MAN2B1: variants seen among roughly 807,000 people sequenced by gnomAD.
The protein encoded by MAN2B1 is lysosomal alpha-mannosidase.
MAN2B1 carries 99 observed loss-of-function variants against 127.5 expected under a neutral mutation model. The observed-to-expected ratio is 0.78, with a 90% CI of 0.66 to 0.92. The LOEUF is 0.92. Ranked by LOEUF, MAN2B1 falls within the 40% of genes least tolerant of loss-of-function variation. The pLI is 0.00. For synonymous variants in MAN2B1, 573 were observed against 568.8 expected (o/e 1.01, Z -0.11); for missense variants, 1,304 against 1,384.8 (o/e 0.94, Z 0.93).
rs147341886 is a variant in MAN2B1 at position 12,660,978 on chromosome 19, C to T, written c.1026+282G>A. 1,924 of 373,812 alleles carry T rather than the reference C, an allele frequency of 5.1e-3. 24 individuals carry two copies. The highest frequency in any genetic ancestry group is 0.036 in the African/African-American group (1,730 of 47,454). The allele number at this position is 373,812 out of a possible 1,614,324, so 23.2% of individuals were successfully genotyped here. On this transcript the variant is annotated intron_variant, in intron 7 of 23. Transcript: ENST00000456935. ...TTCACCATGTTGGTCAGGCTGGTCTCGAATTCCTGACCTCGTGATCTGCCC... is the reference window on the plus strand; with the variant it reads ...TTCACCATGTTGGTCAGGCTGGTCTTGAATTCCTGACCTCGTGATCTGCCC...
chr19:12,655,896 G>A lies in MAN2B1; in HGVS notation c.1645-17C>T. The A allele has an allele frequency of 1.9e-6, 3 of 1,610,896 alleles. No individual in the cohort carries two copies. The highest frequency in any genetic ancestry group is 2.5e-6 in the Non-Finnish European group (3 of 1,177,714). On this transcript the variant is annotated splice_polypyrimidine_tract_variant and intron_variant, in intron 13 of 23. Transcript: ENST00000456935. Reference sequence around the variant, plus strand: ...TATTACCACCTCGGATAAAGGAGGAGGGAAACTGAGTCAAGAGTACCCATG... The same window carrying A: ...TATTACCACCTCGGATAAAGGAGGAAGGAAACTGAGTCAAGAGTACCCATG...
At chr19:12,650,064 C>A in intron 17 of MAN2B1, 40 bp downstream of exon 17, 1 of 1,609,974 alleles carries the variant, frequency 6.2e-7, no homozygotes, top group Non-Finnish European at 8.5e-7. Context: ...AACCCCTCTG[C>A]CCTTGCTTCC....
Position 12,663,372 on chromosome 19 carries a change from G to A in MAN2B1, c.854C>T (p.Pro285Leu). The change falls in exon 6 of 24, where the codon CCC (proline) becomes CTC (leucine). Residue 285 changes from proline to leucine, a missense_variant. Transcript: ENST00000456935. Reference sequence around the variant, plus strand: ...GACCAGCTCCTTGGCGTTGTACTCGGGGCTGCGAGGGTCCTCCACCAGCGG... The same window carrying A: ...GACCAGCTCCTTGGCGTTGTACTCGAGGCTGCGAGGGTCCTCCACCAGCGG... Reference protein sequence around the residue: ...DQPLVEDPRSPEYNAKELVDY... With the variant: ...DQPLVEDPRSLEYNAKELVDY... The A allele has an allele frequency of 6.2e-7, 1 of 1,614,092 alleles. No homozygotes were observed.
chr19:12,657,815 C>G (rs1049031443), intron 10 of MAN2B1: 4 of 607,762 alleles, frequency 6.6e-6, no homozygotes, highest in Non-Finnish European at 1.2e-5. Flanking sequence ...ATTAGCCGGG[C>G]GTGGTGGTGG....
chr19:12,657,973 AAAAAAAAAG>A, intron 10 of MAN2B1, 81 bp downstream of exon 10: 1 of 1,019,434 alleles, frequency 9.8e-7, no homozygotes, highest in Non-Finnish European at 1.4e-6. Context: ...AAAAAAAAAA[AAAAAAAAAG>A]AAGAAACTCG....
At position 12,661,210 on chromosome 19, in the gene MAN2B1, G is replaced by A. The variant is rs116003721; in HGVS notation, c.1026+50C>T. 5.1e-4 allele frequency: 669 copies of A among 1,313,362 alleles called. 1 individual carries two copies. The African/African-American group carries it at 8.7e-3, about 17-fold the overall frequency. 81.4% of individuals were successfully genotyped at this position (1,313,362 alleles called of 1,614,324 possible). A position where few individuals can be genotyped will look rare whatever the true frequency, so the allele number is the denominator to read the frequency against. ...GCTATGCACATAACCCAAGGCCCCC[G>A]GATGCAAGCGCACATGTGCACAAGG... is the stretch of plus-strand genomic sequence containing the variant. On this transcript the variant is annotated intron_variant, in intron 7 of 23. Coordinates refer to ENST00000456935, the MANE Select transcript of MAN2B1 (RefSeq NM_000528.4).
At chr19:12,652,840 A>AT (rs68156140) in intron 14 of MAN2B1, among the ~76,000 whole-genome samples, 1,570 of 148,116 alleles carry the variant, frequency 0.011, 31 homozygotes, top group African/African-American at 0.036. Context: ...CCGGATTTTT[A>AT]TTTTTTTTTT....
chr19:12,647,488 C>A lies in MAN2B1; in HGVS notation c.2775G>T (p.Glu925Asp), dbSNP rs752287794. Reference sequence around the variant, plus strand: ...GGGCGCTCAGGTTACGTCCGGAATCCTCTCCTACGGCAAACTGGTGCTCCA... The same window carrying A: ...GGGCGCTCAGGTTACGTCCGGAATCATCTCCTACGGCAAACTGGTGCTCCA... ...LRLEHQFAVG[E>D]DSGRNLSAPV... The change falls in exon 22 of 24, where the codon GAG (glutamate) becomes GAT (aspartate). Residue 925 changes from glutamate to aspartate, a missense_variant. By Grantham distance (45) the Glu-to-Asp change is conservative. Transcript: ENST00000456935. The surrounding 1 kb of genome is among the most constrained non-coding windows in gnomAD (Gnocchi z 4.9). The A allele has an allele frequency of 1.2e-6, 2 of 1,614,254 alleles. No individual in the cohort carries two copies. Among genetic ancestry groups the A allele is most frequent in the Admixed American group, 3.3e-5 (2 of 60,030 alleles).
Position 12,663,806 on chromosome 19 carries a change from G to A in MAN2B1, c.660C>T (p.Arg220=), listed in dbSNP as rs2145283213. 2 of 1,614,158 alleles carry A rather than the reference G, an allele frequency of 1.2e-6. No homozygotes were observed. The highest frequency in any genetic ancestry group is 1.7e-5 in the Admixed American group (1 of 60,018). ...QMGFDGFFFG[R]LDYQDKWVRM... ...GTACCCACTTATCTTGATAATCAAGGCGCCCAAAGAAGAAGCCGTCGAAGC... is the reference window on the plus strand; with the variant it reads ...GTACCCACTTATCTTGATAATCAAGACGCCCAAAGAAGAAGCCGTCGAAGC... Residue 220 remains arginine (R), a synonymous_variant, in exon 5 of 24, where the codon CGC becomes CGT. Transcript: ENST00000456935.
Position 12,647,955 on chromosome 19 carries a change from G to A in MAN2B1, c.2664+220C>T, listed in dbSNP as rs1361767025. Reference sequence around the variant, plus strand: ...GGGCGGGGCCGGAGGTGAGTTGGTGGTTTAGGGGCATGAGCTAGGGCTGTG... The same window carrying A: ...GGGCGGGGCCGGAGGTGAGTTGGTGATTTAGGGGCATGAGCTAGGGCTGTG... On this transcript the variant is annotated intron_variant, in intron 21 of 23. Transcript: ENST00000456935. The surrounding 1 kb of genome is among the most constrained non-coding windows in gnomAD (Gnocchi z 4.9). Among the ~76,000 whole-genome samples, 1 of 152,096 alleles carries A rather than the reference G, an allele frequency of 6.6e-6. No individual in the cohort carries two copies. The highest frequency in any genetic ancestry group is 1.5e-5 in the Non-Finnish European group (1 of 68,006).
At chr19:12,656,784 G>T in intron 12 of MAN2B1, 97 bp from the exon 13 acceptor site, 1 of 1,110,158 alleles carries the variant, frequency 9.0e-7, no homozygotes, top group Non-Finnish European at 1.4e-6. Context: ...TCCTAGTGTG[G>T]TCACGGCACT....
chr19:12,654,333 C>T (rs564273115), intron 14 of MAN2B1, among the ~76,000 whole-genome samples: 5 of 152,268 alleles, frequency 3.3e-5, no homozygotes, highest in African/African-American at 1.2e-4. Context: ...TGAGCCACCG[C>T]GCCCGGCCCC....
Position 12,648,165 on chromosome 19 carries a change from T to A in MAN2B1, c.2664+10A>T, listed in dbSNP as rs1401124110. On this transcript the variant is annotated intron_variant, in intron 21 of 23. Coordinates refer to ENST00000456935, the MANE Select transcript of MAN2B1 (RefSeq NM_000528.4). ...ATCCGGTCCTCTCTGCCTACCCCGCTGCCCCTCACCTGCGTGCGCGGAGGA... is the reference window on the plus strand; with the variant it reads ...ATCCGGTCCTCTCTGCCTACCCCGCAGCCCCTCACCTGCGTGCGCGGAGGA... The A allele has an allele frequency of 6.5e-7, 1 of 1,534,178 alleles. No homozygotes were observed. The highest frequency in any genetic ancestry group is 8.7e-7 in the Non-Finnish European group (1 of 1,145,794).
In MAN2B1 at chr19:12,656,932, C is replaced by A; in HGVS notation, c.1527+17G>T. ...AAGCCCATCTGCCCTAGATCCACCC[C>A]TCCCGTCCCGGCTCACGCGCGCCGC... On this transcript the variant is annotated intron_variant, in intron 12 of 23. Coordinates refer to ENST00000456935, the MANE Select transcript of MAN2B1 (RefSeq NM_000528.4). 1 of 1,604,412 alleles carries A rather than the reference C, an allele frequency of 6.2e-7. No individual in the cohort carries two copies. Among genetic ancestry groups the A allele is most frequent in the Non-Finnish European group, 8.5e-7 (1 of 1,172,770 alleles).
At chr19:12,655,414 C>A (rs1276363063) in intron 14 of MAN2B1, among the ~76,000 whole-genome samples, 1 of 152,184 alleles carries the variant, frequency 6.6e-6, no homozygotes, top group Non-Finnish European at 1.5e-5. Flanking sequence ...ATCGGGAACA[C>A]CTTCCCTGAA....
intron 7 of MAN2B1, among the ~76,000 whole-genome samples, chr19:12,660,018 GTGAC>G (rs754934175): frequency 1.5e-4 from 23 of 152,074 alleles, no homozygotes; most frequent in Non-Finnish European, 2.5e-4. Context: ...GCTGATGAGA[GTGAC>G]TGACTGTGCA....
At chr19:12,652,720 C>T (rs2023869433) in intron 14 of MAN2B1, among the ~76,000 whole-genome samples, 1 of 151,818 alleles carries the variant, frequency 6.6e-6, no homozygotes, top group African/African-American at 2.4e-5. Context: ...TTAGTAGAGA[C>T]AGGGTTTCAC....
chr19:12,664,698 T>C, intron 4 of MAN2B1, 94 bp downstream of exon 4: 1 of 1,315,846 alleles, frequency 7.6e-7, no homozygotes, highest in East Asian at 2.5e-5. Context: ...GGCCTGGTCC[T>C]TGTGAGATTG....
At chr19:12,657,371 T>TGTCCCC in intron 11 of MAN2B1, 75 bp downstream of exon 11, 3 of 1,321,538 alleles carry the variant, frequency 2.3e-6, no homozygotes, top group Non-Finnish European at 3.1e-6. Context: ...CACCTGTCTC[T>TGTCCCC]GTCCCCTTTC....
Sources: allele counts gnomAD v4.1 joint callset (sites outside exome capture counted in the v4.1 genomes callset), GRCh38; gene constraint gnomAD v4.1.1; non-coding constraint Gnocchi (gnomAD v3.1); transcripts MANE v1.5; gene names NCBI Gene and HGNC (gene_info 2026-07-23, HGNC 2026-07-21).